Variants in CA3 observed in about 807,000 individuals in gnomAD.
The protein encoded by CA3 is CA-III.
Under a neutral mutation model 35.7 loss-of-function variants are expected in CA3, and 30 were observed. The ratio of observed to expected loss-of-function variants is 0.84; its 90% CI spans 0.63 to 1.14. The LOEUF (loss-of-function observed/expected upper bound fraction) is 1.14. Among genes scored for constraint, CA3 ranks in the 50% most tolerant of loss-of-function variants. The pLI, the probability that CA3 is intolerant of heterozygous loss-of-function variation, is 0.00. For synonymous variants in CA3, 131 were observed against 130.8 expected (o/e 1.00, Z -0.01); for missense variants, 295 against 328.5 (o/e 0.90, Z 0.79).
chr8:85,448,742 G>A lies in CA3; in HGVS notation c.*589G>A, dbSNP rs1811329350. The A allele has an allele frequency of 6.6e-6, 1 of 152,174 alleles. No homozygotes were observed. Among genetic ancestry groups the A allele is most frequent in the Admixed American group, 6.5e-5 (1 of 15,276 alleles). 9.4% of individuals were successfully genotyped at this position (152,174 alleles called of 1,614,324 possible). A position where few individuals can be genotyped will look rare whatever the true frequency, so the allele number is the denominator to read the frequency against. On this transcript the variant is annotated 3_prime_UTR_variant, in exon 7 of 7. Transcript: ENST00000285381. ...TAAGATTACTTGGTTTTGATTACCA[G>A]TGAAAAGAAAACACAATACAATCAG...
At position 85,439,759 on chromosome 8, in the gene CA3, C is replaced by T; in HGVS notation, c.82C>T (p.Gln28Ter). 6.2e-7 allele frequency: 1 copy of T among 1,614,026 alleles called. No homozygotes were observed. Among genetic ancestry groups the T allele is most frequent in the Non-Finnish European group, 8.5e-7 (1 of 1,179,960 alleles). ...ELFPNAKGEN[Q>*]SPVELHTKDI... The stretch of plus-strand genomic sequence containing the variant: ...TTTCCCAAATGCCAAGGGGGAAAAC[C>T]AGTCGCCCGTTGAGCTGCATACTAA... Residue 28 changes from glutamine (Q) to a stop codon, truncating the protein, a stop_gained, in exon 2 of 7, where the codon CAG (glutamine) becomes TAG (stop). Transcript: ENST00000285381. LOFTEE classifies it high-confidence loss of function.
chr8:85,444,143 C>A lies in CA3; in HGVS notation c.444+17C>A, dbSNP rs369965636. ...TTTCTGAAGGTAAAGTAAAAATTGA[C>A]TATATATTTTCTTCCAAAATGTATT... is the stretch of plus-strand genomic sequence containing the variant. On this transcript the variant is annotated intron_variant, in intron 4 of 6. Transcript: ENST00000285381. 8 of 1,534,410 alleles carry A rather than the reference C, an allele frequency of 5.2e-6. No homozygotes were observed. Among genetic ancestry groups the A allele is most frequent in the Non-Finnish European group, 6.3e-6 (7 of 1,108,048 alleles).
At chr8:85,446,019 T>C in intron 5 of CA3, 123 bp from the exon 6 acceptor site, 1 of 935,450 alleles carries the variant, frequency 1.1e-6, no homozygotes, top group Non-Finnish European at 1.6e-6. Flanking sequence ...ATACTTTGTT[T>C]AGAAGTTCTA....
intron 4 of CA3, 33 bp from the exon 5 acceptor site, chr8:85,445,123 A>G: frequency 6.8e-7 from 1 of 1,470,456 alleles, no homozygotes; most frequent in Non-Finnish European, 9.4e-7. Context: ...GGAGAAGTAA[A>G]AGAACTATAC....
At chr8:85,439,617 G>T in intron 1 of CA3, 95 bp from the exon 2 acceptor site, 1 of 818,720 alleles carries the variant, frequency 1.2e-6, no homozygotes, top group Admixed American at 2.2e-5. Context: ...TGAAATCACT[G>T]TCTAGCCTCT....
chr8:85,447,974 C>CA, intron 6 of CA3, 60 bp from the exon 7 acceptor site: 1 of 1,535,148 alleles, frequency 6.5e-7, no homozygotes, highest in Non-Finnish European at 8.8e-7. Context: ...ACCTCTTTGT[C>CA]ACGTAGTGTG....
intron 3 of CA3, 110 bp downstream of exon 3, chr8:85,442,301 A>G: frequency 1.4e-6 from 1 of 735,532 alleles, no homozygotes; most frequent in South Asian, 1.5e-5. Flanking sequence ...TTTCAAGTCT[A>G]TAGTTATGAA....
intron 5 of CA3, among the ~76,000 whole-genome samples, chr8:85,445,626 T>G (rs1378902753): frequency 2.0e-5 from 3 of 152,204 alleles, no homozygotes; most frequent in African/African-American, 7.2e-5. Context: ...ATGAGCTTTC[T>G]GGGAAGCACT....
chr8:85,439,732 C>G lies in CA3; in HGVS notation c.55C>G (p.Leu19Val), dbSNP rs144138207. 14 of 1,613,666 alleles carry G rather than the reference C, an allele frequency of 8.7e-6. No homozygotes were observed. The African/African-American group carries it at 1.9e-4, about 21-fold the overall frequency. ...SHNGPDHWHE[L>V]FPNAKGENQS... ...CCTAGGTCCTGACCACTGGCATGAA[C>G]TTTTCCCAAATGCCAAGGGGGAAAA... is the stretch of plus-strand genomic sequence containing the variant. Residue 19 changes from leucine to valine, a missense_variant, in exon 2 of 7, where the codon CTT (leucine) becomes GTT (valine). Leu to Val is a conservative substitution (Grantham distance 32). Coordinates refer to ENST00000285381, the MANE Select transcript of CA3 (RefSeq NM_005181.4).
rs1043451354 is a variant in CA3 at position 85,441,264 on chromosome 8, T to G, written c.233-809T>G. ...GGTTTCTGCATAGTTTCCAATATAC[T>G]TTGGAAGACATTTGAACCTCTAAAT... On this transcript the variant is annotated intron_variant, in intron 2 of 6. Transcript: ENST00000285381. 2.6e-5 allele frequency among the ~76,000 whole-genome samples: 4 copies of G among 152,198 alleles called. No homozygotes were observed. In the South Asian group the frequency reaches 8.3e-4, roughly 32 times the overall value.
At chr8:85,446,952 A>T (rs909469520) in intron 6 of CA3, among the ~76,000 whole-genome samples, 2 of 152,216 alleles carry the variant, frequency 1.3e-5, no homozygotes, top group African/African-American at 4.8e-5. Flanking sequence ...AGAAAAACAG[A>T]TTGAAGCAAG....
At chr8:85,440,325 A>G (rs1585997669) in intron 2 of CA3, among the ~76,000 whole-genome samples, 1 of 152,358 alleles carries the variant, frequency 6.6e-6, no homozygotes, top group Non-Finnish European at 1.5e-5. Context: ...GATATACAAT[A>G]GAAACCCTAA....
At chr8:85,439,538 C>A (rs1811178050) in intron 1 of CA3, among the ~76,000 whole-genome samples, 174 bp from the exon 2 acceptor site, 1 of 152,206 alleles carries the variant, frequency 6.6e-6, no homozygotes, top group South Asian at 2.1e-4. Context: ...GTGCTATTCA[C>A]AAAACTACCA....
Position 85,446,212 on chromosome 8 carries a change from A to C in CA3, c.578A>C (p.Tyr193Ser). ...CCGGCATGCCGGGACTACTGGACCT[A>C]CCAGGGCTCATTCACCACGCCGCCC... ...LFPACRDYWT[Y>S]QGSFTTPPCE... The change falls in exon 6 of 7, where the codon TAC becomes TCC. Residue 193 changes from tyrosine to serine, a missense_variant. Coordinates refer to ENST00000285381, the MANE Select transcript of CA3 (RefSeq NM_005181.4). The C allele has an allele frequency of 6.2e-7, 1 of 1,614,118 alleles. No homozygotes were observed. The highest frequency in any genetic ancestry group is 8.5e-7 in the Non-Finnish European group (1 of 1,179,986).
chr8:85,444,153 TCTTCC>T, intron 4 of CA3, 27 bp downstream of exon 4: 1 of 1,433,420 alleles, frequency 7.0e-7, no homozygotes, highest in Non-Finnish European at 9.8e-7. Flanking sequence ...CTATATATTT[TCTTCC>T]AAAATGTATT....
intron 4 of CA3, among the ~76,000 whole-genome samples, chr8:85,444,340 C>T (rs539210991): frequency 3.3e-5 from 5 of 151,740 alleles, no homozygotes; most frequent in Non-Finnish European, 5.9e-5. Context: ...GGACCCCTAG[C>T]ACTTCTAAAT....
chr8:85,442,303 A>T, intron 3 of CA3, 112 bp downstream of exon 3: 1 of 724,864 alleles, frequency 1.4e-6, no homozygotes, highest in Non-Finnish European at 2.5e-6. Flanking sequence ...TCAAGTCTAT[A>T]GTTATGAAAA....
At chr8:85,439,312 C>T (rs1811174557) in intron 1 of CA3, among the ~76,000 whole-genome samples, 1 of 152,156 alleles carries the variant, frequency 6.6e-6, no homozygotes, top group Admixed American at 6.5e-5. Context: ...GTGAGAATCT[C>T]TGCTCTGCCT....
chr8:85,447,267 G>T (rs1811305109), intron 6 of CA3, among the ~76,000 whole-genome samples: 1 of 151,924 alleles, frequency 6.6e-6, no homozygotes, highest in African/African-American at 2.4e-5. Flanking sequence ...ATTTAAAATT[G>T]AAAATGTAGC....
Sources: allele counts gnomAD v4.1 joint callset (sites outside exome capture counted in the v4.1 genomes callset), GRCh38; gene constraint gnomAD v4.1.1; transcripts MANE v1.5; gene names NCBI Gene and HGNC (gene_info 2026-07-23, HGNC 2026-07-21).